Variants in PRLR observed in about 807,000 individuals in gnomAD.
PRLR encodes the protein hPRL receptor.
Under a neutral mutation model 40.2 loss-of-function variants are expected in PRLR, and 13 were observed. The observed-to-expected ratio is 0.32, with a 90% confidence interval of 0.21 to 0.51. The LOEUF (loss-of-function observed/expected upper bound fraction) is 0.51. Ranked by LOEUF, PRLR falls within the 20% of genes least tolerant of loss-of-function variation. The pLI is 0.97. For missense variants in PRLR, 656 were observed against 747.3 expected, an observed-to-expected ratio of 0.88 and a Z score of 1.42; for synonymous variants, 269 against 278.7, an observed-to-expected ratio of 0.97 and a Z score of 0.35.
At chr5:35,221,006 T>G (rs2111673585) in intron 1 of PRLR, among the ~76,000 whole-genome samples, 1 of 152,292 alleles carries the variant, frequency 6.6e-6, no homozygotes, top group Non-Finnish European at 1.5e-5. Context: ...GGAATTGGCT[T>G]TTTCCAAATC....
At chr5:35,219,025 G>A (rs912968544) in intron 1 of PRLR, among the ~76,000 whole-genome samples, 15 of 152,152 alleles carry the variant, frequency 9.9e-5, no homozygotes, top group African/African-American at 3.4e-4. Flanking sequence ...TGTTGGCGGC[G>A]GGGTGGGGGG....
At chr5:35,217,274 A>G (rs1604421) in intron 1 of PRLR, among the ~76,000 whole-genome samples, 137,257 of 152,266 alleles carry the variant, frequency 0.9, 62,603 homozygotes, top group African/African-American at 0.96. Context: ...GACTGAACCC[A>G]TGCAGGCTTA....
At chr5:35,153,512 C>T (rs1179725289) in intron 1 of PRLR, among the ~76,000 whole-genome samples, 1 of 152,110 alleles carries the variant, frequency 6.6e-6, no homozygotes, top group African/African-American at 2.4e-5. Flanking sequence ...TGGTAATTCC[C>T]TTCTGGGCTT....
intron 1 of PRLR, among the ~76,000 whole-genome samples, chr5:35,208,328 C>G (rs1176667858): frequency 1.3e-5 from 2 of 152,154 alleles, no homozygotes; most frequent in Non-Finnish European, 2.9e-5. Context: ...AAGGTTGTTT[C>G]CTTCCAGAAG....
At chr5:35,051,966 T>G (rs1768511567), downstream of PRLR, among the ~76,000 whole-genome samples, 2 of 152,158 alleles carry the variant, frequency 1.3e-5, no homozygotes, top group Admixed American at 6.5e-5. Flanking sequence ...ATAAAGGGGA[T>G]TGTATGTAAC....
intron 5 of PRLR, among the ~76,000 whole-genome samples, chr5:35,080,335 G>A (rs1186317546): frequency 6.6e-6 from 1 of 151,844 alleles, no homozygotes; most frequent in Admixed American, 6.6e-5. Flanking sequence ...ACTTAAACAC[G>A]TTTACAAGAA....
intron 1 of PRLR, among the ~76,000 whole-genome samples, chr5:35,161,630 A>G (rs1774676748): frequency 6.6e-6 from 1 of 152,228 alleles, no homozygotes; most frequent in Non-Finnish European, 1.5e-5. Context: ...ATATCTGATC[A>G]TGGTGCCAGT....
intron 1 of PRLR, among the ~76,000 whole-genome samples, chr5:35,174,942 C>A (rs1423976639): frequency 6.6e-6 from 1 of 152,126 alleles, no homozygotes; most frequent in Non-Finnish European, 1.5e-5. Flanking sequence ...CTGACTTAGA[C>A]AATATTATGT....
chr5:35,112,794 T>C (rs1227766247), intron 2 of PRLR, among the ~76,000 whole-genome samples: 1 of 152,250 alleles, frequency 6.6e-6, no homozygotes, highest in African/African-American at 2.4e-5. Flanking sequence ...TCTAGCAAGA[T>C]AATTGCTTGT....
At chr5:35,143,155 T>C (rs1774071699) in intron 1 of PRLR, among the ~76,000 whole-genome samples, 1 of 152,366 alleles carries the variant, frequency 6.6e-6, no homozygotes, top group South Asian at 2.1e-4. Flanking sequence ...AAACTTTTTC[T>C]ATAAAGGGCA....
In PRLR at chr5:35,068,807, C is replaced by T; in HGVS notation, c.757G>A (p.Val253Ile). Residue 253 changes from valine (V) to isoleucine (I), a missense_variant, in exon 8 of 10, where the codon GTC (valine) becomes ATC (isoleucine). Val to Ile is a conservative substitution (Grantham distance 29). Transcript: ENST00000618457. Reference sequence around the variant, plus strand: ...TAGCCCTTCAAAGCCACTGCCCAGACAATAATCAAACAGATGACAGCAGAA... The same window carrying T: ...TAGCCCTTCAAAGCCACTGCCCAGATAATAATCAAACAGATGACAGCAGAA... ...VLSAVICLII[V>I]WAVALKGYSM... The T allele has an allele frequency of 1.2e-6, 2 of 1,611,220 alleles. No homozygotes were observed. The highest frequency in any genetic ancestry group is 1.1e-5 in the South Asian group (1 of 90,986).
At chr5:35,196,571 G>T (rs1775742776) in intron 1 of PRLR, among the ~76,000 whole-genome samples, 1 of 152,186 alleles carries the variant, frequency 6.6e-6, no homozygotes, top group Non-Finnish European at 1.5e-5. Context: ...AGCACAAGCA[G>T]GACAAGAAAG....
intron 1 of PRLR, among the ~76,000 whole-genome samples, chr5:35,215,840 T>G (rs1312475299): frequency 7.3e-6 from 1 of 136,556 alleles, no homozygotes; most frequent in African/African-American, 2.8e-5. Flanking sequence ...ACCAGCTTGG[T>G]CAACATGGTG....
chr5:35,098,431 ATGT>A (rs1771667095), intron 2 of PRLR, among the ~76,000 whole-genome samples: 2 of 152,200 alleles, frequency 1.3e-5, no homozygotes, highest in Admixed American at 6.5e-5. Context: ...CGGAGAGTAA[ATGT>A]TGTTCTAAGC....
chr5:35,084,374 G>T, intron 5 of PRLR, 96 bp downstream of exon 5: 1 of 1,193,198 alleles, frequency 8.4e-7, no homozygotes, highest in Middle Eastern at 2.0e-4. Context: ...TCTTTTTGGG[G>T]ATCCATCCAA....
At chr5:35,103,477 T>C (rs533828598) in intron 2 of PRLR, among the ~76,000 whole-genome samples, 42 of 152,170 alleles carry the variant, frequency 2.8e-4, no homozygotes, top group Non-Finnish European at 5.0e-4. Context: ...TAAATCTTCA[T>C]TGACTCACTG....
intron 2 of PRLR, among the ~76,000 whole-genome samples, chr5:35,113,407 AT>A (rs1772804819): frequency 1.4e-5 from 2 of 146,108 alleles, no homozygotes; most frequent in Admixed American, 6.8e-5. Flanking sequence ...CCATCCATCC[AT>A]CCATCCATCC....
chr5:35,119,352 C>G (rs920487377), intron 1 of PRLR, among the ~76,000 whole-genome samples: 7 of 151,750 alleles, frequency 4.6e-5, no homozygotes, highest in African/African-American at 1.7e-4. Flanking sequence ...GCCACTAGCA[C>G]CCTCATGCCA....
At chr5:35,081,345 G>T in intron 5 of PRLR, 1 of 207,590 alleles carries the variant, frequency 4.8e-6, no homozygotes, top group South Asian at 8.9e-5. Context: ...GTGCTGCCAA[G>T]GCTGAGGGCA....
Sources: allele counts gnomAD v4.1 joint callset (sites outside exome capture counted in the v4.1 genomes callset), GRCh38; gene constraint gnomAD v4.1.1; transcripts MANE v1.5; gene names NCBI Gene and HGNC (gene_info 2026-07-23, HGNC 2026-07-21).